Variants in PLD5 observed in about 807,000 individuals in gnomAD.
PLD5 encodes the protein phospholipase D family member 5, also known as inactive phospholipase D5.
A neutral mutation model predicts 61.1 loss-of-function variants in PLD5; 36 were observed. The ratio of observed to expected loss-of-function variants is 0.59; its 90% CI spans 0.45 to 0.78. PLD5 has a LOEUF of 0.78. Ranked by LOEUF, PLD5 falls within the 30% of genes least tolerant of loss-of-function variation. The pLI is 0.00. For missense variants in PLD5, 515 were observed against 644.4 expected, an observed-to-expected ratio of 0.80 and a Z score of 2.17; for synonymous variants, 243 against 242.8, an observed-to-expected ratio of 1.00 and a Z score of -0.01.
chr1:242,522,502 CA>C (rs907709285), intron 1 of PLD5, among the ~76,000 whole-genome samples: 20 of 152,188 alleles, frequency 1.3e-4, no homozygotes, highest in Admixed American at 1.3e-3. Context: ...CACTGATTTT[CA>C]GTAAGAGAAT....
chr1:242,307,444 G>A (rs1163269827), intron 2 of PLD5, among the ~76,000 whole-genome samples: 1 of 152,160 alleles, frequency 6.6e-6, no homozygotes, highest in East Asian at 1.9e-4. Context: ...TTGCAGACAT[G>A]ATGACACTAC....
chr1:242,394,146 A>G (rs184875247), intron 1 of PLD5, among the ~76,000 whole-genome samples: 2 of 117,410 alleles, frequency 1.7e-5, no homozygotes, highest in Non-Finnish European at 3.6e-5. Context: ...GAGTATATAT[A>G]TGTGTATATA....
At chr1:242,265,283 A>G (rs1673600827) in intron 4 of PLD5, 54 bp downstream of exon 4, 1 of 1,552,872 alleles carries the variant, frequency 6.4e-7, no homozygotes, top group East Asian at 2.3e-5. Context: ...GTGAAATTAA[A>G]GGTATCTTAA....
intron 1 of PLD5, chr1:242,377,509 C>G: frequency 1.6e-6 from 1 of 628,914 alleles, no homozygotes; most frequent in Non-Finnish European, 2.9e-6. Flanking sequence ...ACAAAAGCCT[C>G]TGAGGTTGGA....
At position 242,364,681 on chromosome 1, in the gene PLD5, A is replaced by C. The variant is rs529038607; in HGVS notation, c.190-16439T>G. On this transcript the variant is annotated intron_variant, in intron 1 of 9. Coordinates refer to ENST00000536534, the MANE Select transcript of PLD5 (RefSeq NM_001372062.1). ...CAGTGAGCCAAGATCTTGCCACTGCACTCCAGCCTGGTTGATAGAGCAAGA... is the reference window on the plus strand; with the variant it reads ...CAGTGAGCCAAGATCTTGCCACTGCCCTCCAGCCTGGTTGATAGAGCAAGA... 2.9e-4 allele frequency among the ~76,000 whole-genome samples: 44 copies of C among 152,252 alleles called. No individual in the cohort carries two copies. In the East Asian group the frequency reaches 8.5e-3, roughly 29 times the overall value.
intron 2 of PLD5, among the ~76,000 whole-genome samples, chr1:242,339,986 C>A (rs139281465): frequency 3.5e-4 from 53 of 152,208 alleles, no homozygotes; most frequent in African/African-American, 1.2e-3. Flanking sequence ...TCTCTCTCCT[C>A]TTAGAGCTTA....
intron 1 of PLD5, among the ~76,000 whole-genome samples, chr1:242,381,704 T>C (rs562480716): frequency 6.6e-6 from 1 of 152,330 alleles, no homozygotes; most frequent in Admixed American, 6.5e-5. Context: ...AATATTTGTA[T>C]ATATTTGTTC....
At chr1:242,195,904 C>T (rs1338912842) in intron 5 of PLD5, among the ~76,000 whole-genome samples, 1 of 152,080 alleles carries the variant, frequency 6.6e-6, no homozygotes, top group Non-Finnish European at 1.5e-5. Context: ...CTCATGTAAA[C>T]TCAAAGATGA....
chr1:242,494,190 A>G (rs1668285436), intron 1 of PLD5, among the ~76,000 whole-genome samples: 1 of 148,352 alleles, frequency 6.7e-6, no homozygotes, highest in African/African-American at 2.5e-5. Flanking sequence ...CTTCCTTCCT[A>G]ATTCTAACTC....
chr1:242,308,516 T>C (rs1344527650), intron 2 of PLD5, among the ~76,000 whole-genome samples: 1 of 152,206 alleles, frequency 6.6e-6, no homozygotes, highest in Non-Finnish European at 1.5e-5. Flanking sequence ...TATTTAAACA[T>C]ATTAAAATTA....
chr1:242,149,668 CAT>C lies in PLD5; in HGVS notation c.736-25005_736-25004del, dbSNP rs138108029. ...CTTCAGAAGACTTAAGTTTTATACA[CAT>C]ACACACACACACACACACACACACA... is the stretch of plus-strand genomic sequence containing the variant. On this transcript the variant is annotated intron_variant, in intron 5 of 9. Transcript: ENST00000536534. Among the ~76,000 whole-genome samples the C allele has an allele frequency of 2.2e-3, 292 of 135,368 alleles. 1 individual carries two copies. Among genetic ancestry groups the C allele is most frequent in the Non-Finnish European group, 3.5e-3 (226 of 63,876 alleles). The allele number at this position is 135,368 out of a possible 152,430, so 88.8% of individuals were successfully genotyped here.
At chr1:242,470,249 G>A (rs575285891) in intron 1 of PLD5, among the ~76,000 whole-genome samples, 11 of 152,132 alleles carry the variant, frequency 7.2e-5, no homozygotes, top group African/African-American at 2.6e-4. Flanking sequence ...GGCTGAGGCA[G>A]GAGAATGGCG....
chr1:242,156,415 G>C (rs996885919), intron 5 of PLD5, among the ~76,000 whole-genome samples: 1 of 152,114 alleles, frequency 6.6e-6, no homozygotes, highest in Non-Finnish European at 1.5e-5. Flanking sequence ...TGGTTAGTTT[G>C]CCCATTAGTT....
intron 5 of PLD5, among the ~76,000 whole-genome samples, chr1:242,174,448 G>T (rs1413148159): frequency 6.6e-6 from 1 of 151,714 alleles, no homozygotes; most frequent in Non-Finnish European, 1.5e-5. Context: ...TACACTGTTG[G>T]TGGGACTGTA....
chr1:242,116,081 G>A (rs1193931834), intron 6 of PLD5, among the ~76,000 whole-genome samples: 1 of 151,996 alleles, frequency 6.6e-6, no homozygotes, highest in Non-Finnish European at 1.5e-5. Context: ...GCATTATAAT[G>A]GGACATAAAT....
chr1:242,098,893 G>A (rs1660464093), intron 9 of PLD5, among the ~76,000 whole-genome samples: 1 of 152,276 alleles, frequency 6.6e-6, no homozygotes, highest in Non-Finnish European at 1.5e-5. Flanking sequence ...GAACAGCAAA[G>A]GTTGCTGCCT....
At chr1:242,328,406 GT>G (rs1271012884) in intron 2 of PLD5, among the ~76,000 whole-genome samples, 2 of 151,720 alleles carry the variant, frequency 1.3e-5, no homozygotes, top group Non-Finnish European at 2.9e-5. Flanking sequence ...ATAGTTGTGT[GT>G]TCTACACGTT....
At chr1:242,251,898 C>G (rs1016516412) in intron 4 of PLD5, among the ~76,000 whole-genome samples, 2 of 152,062 alleles carry the variant, frequency 1.3e-5, no homozygotes, top group Non-Finnish European at 2.9e-5. Flanking sequence ...GATGGAGATG[C>G]ATGTAGATAT....
chr1:242,248,046 G>T (rs1672490190), intron 4 of PLD5, among the ~76,000 whole-genome samples: 1 of 151,884 alleles, frequency 6.6e-6, no homozygotes, highest in South Asian at 2.1e-4. Flanking sequence ...TTATCAAGTT[G>T]GTATAACTAT....
Sources: gnomAD v4.1 joint callset for allele counts (sites outside exome capture counted in the v4.1 genomes callset) on GRCh38, gnomAD v4.1.1 for gene constraint, MANE v1.5 for transcripts, NCBI Gene and HGNC (gene_info 2026-07-23, HGNC 2026-07-21) for gene names.